Variants in SDHA observed in about 807,000 individuals in gnomAD.
The protein encoded by SDHA is succinate dehydrogenase [ubiquinone] flavoprotein subunit, mitochondrial.
In SDHA, 48 loss-of-function variants were observed where a neutral mutation model predicts 78.4. The observed-to-expected ratio is 0.61, with a 90% CI of 0.49 to 0.78. The LOEUF is 0.78. Ranked by LOEUF, SDHA falls within the 30% of genes least tolerant of loss-of-function variation. SDHA has a pLI of 0.00. For missense variants in SDHA, 680 were observed against 892.7 expected (o/e 0.76, Z 3.04); for synonymous variants, 326 against 353.9 (o/e 0.92, Z 0.88).
At chr5:266,420 A>G in the SDHA span, among the ~76,000 whole-genome samples, 4 of 152,120 alleles carry the variant, frequency 2.6e-5, no homozygotes, top group African/African-American at 9.7e-5. Flanking sequence ...GGAACCCAAA[A>G]CAAACCTTCA....
chr5:241,964 A>G (rs752359834), intron 11 of SDHA, among the ~76,000 whole-genome samples: 2 of 152,252 alleles, frequency 1.3e-5, no homozygotes, highest in African/African-American at 4.8e-5. Context: ...GCCTTCGGAT[A>G]TAGAAATGGC....
At chr5:263,668 A>G in the SDHA span, among the ~76,000 whole-genome samples, 56 of 152,302 alleles carry the variant, frequency 3.7e-4, 1 homozygote, top group East Asian at 9.6e-3. Flanking sequence ...ACTAGGATAA[A>G]ATTTCTCACC....
intron 5 of SDHA, among the ~76,000 whole-genome samples, chr5:227,035 G>A (rs1349103511): frequency 6.6e-6 from 1 of 150,942 alleles, no homozygotes; most frequent in Admixed American, 6.6e-5. Context: ...TTTTGAGACG[G>A]AGTCTCACTC....
chr5:225,529 C>T lies in SDHA; in HGVS notation c.423C>T (p.Tyr141=), dbSNP rs768897373. The part of the protein sequence containing the change: ...DWLGDQDAIH[Y]MTEQAPAAVV... ...TGGGGGACCAGGATGCCATCCACTA[C>T]ATGACGGAGCAGGCCCCCGCCGCCG... Residue 141 remains tyrosine, a synonymous_variant, in exon 4 of 15, where the codon TAC becomes TAT. Transcript: ENST00000264932. The T allele has an allele frequency of 1.1e-5, 18 of 1,613,818 alleles. No homozygotes were observed. Among genetic ancestry groups the T allele is most frequent in the Non-Finnish European group, 1.5e-5 (18 of 1,179,882 alleles).
chr5:219,576 A>C (rs1734597456), intron 1 of SDHA, among the ~76,000 whole-genome samples: 1 of 152,224 alleles, frequency 6.6e-6, no homozygotes, highest in Non-Finnish European at 1.5e-5. Context: ...CCATCCTGCC[A>C]ACATCAGAAA....
the SDHA span, among the ~76,000 whole-genome samples, chr5:265,894 G>A: frequency 6.6e-6 from 1 of 151,800 alleles, no homozygotes; most frequent in Non-Finnish European, 1.5e-5. Context: ...GGATCACCTG[G>A]AGGGACCCTA....
intron 3 of SDHA, among the ~76,000 whole-genome samples, chr5:225,064 A>G (rs140528913): frequency 7.0e-4 from 106 of 152,250 alleles, no homozygotes; most frequent in African/African-American, 2.5e-3. Context: ...TTGTTAATAA[A>G]ATTATCTGGA....
intron 7 of SDHA, 117 bp downstream of exon 7, chr5:231,117 T>A (rs1268187322): frequency 8.1e-7 from 1 of 1,238,476 alleles, no homozygotes; most frequent in Non-Finnish European, 1.2e-6. Flanking sequence ...GAAGATCAGC[T>A]TCCTCAGCTC....
Position 233,571 on chromosome 5 carries a change from C to A in SDHA, c.990C>A (p.Tyr330Ter). ...NSQGERFMER[Y>*]APVAKDLASR... ...AAGGCGAAAGGTTTATGGAGCGATA[C>A]GCCCCTGTCGCGAAGGACCTGGCGT... is the stretch of plus-strand genomic sequence containing the variant. Residue 330 changes from tyrosine to a stop codon, truncating the protein, a stop_gained, in exon 8 of 15, where the codon TAC (tyrosine) becomes TAA (stop). Transcript: ENST00000264932. LOFTEE classifies it high-confidence loss of function. 2 of 1,614,130 alleles carry A rather than the reference C, an allele frequency of 1.2e-6. No homozygotes were observed. The highest frequency in any genetic ancestry group is 1.7e-6 in the Non-Finnish European group (2 of 1,180,026).
intron 7 of SDHA, among the ~76,000 whole-genome samples, chr5:231,620 C>T (rs1433125449): frequency 2.0e-5 from 3 of 151,430 alleles, no homozygotes; most frequent in Non-Finnish European, 4.4e-5. Context: ...GCAACGAGGT[C>T]GTCAGCTCCT....
At chr5:234,490 C>T (rs1005710911) in intron 8 of SDHA, 4 of 154,022 alleles carry the variant, frequency 2.6e-5, no homozygotes, top group Non-Finnish European at 5.7e-5. Context: ...CCTCCGTACC[C>T]ATTGGTTCCA....
chr5:247,482 T>G (rs1736533869), intron 11 of SDHA, among the ~76,000 whole-genome samples: 2 of 152,218 alleles, frequency 1.3e-5, no homozygotes, highest in African/African-American at 4.8e-5. Flanking sequence ...TGTTAATGCC[T>G]CTGGTCTCAA....
chr5:219,672 A>G (rs547184092), intron 1 of SDHA, among the ~76,000 whole-genome samples: 145 of 152,228 alleles, frequency 9.5e-4, no homozygotes, highest in Non-Finnish European at 1.8e-3. Context: ...AAGAGCTGCT[A>G]GGAGGGCGTC....
At position 218,345 on chromosome 5, in the gene SDHA, C is replaced by T. The variant is rs1396057630; in HGVS notation, c.-11C>T. 4 of 1,448,866 alleles carry T rather than the reference C, an allele frequency of 2.8e-6. No individual in the cohort carries two copies. Among genetic ancestry groups the T allele is most frequent in the Non-Finnish European group, 3.6e-6 (4 of 1,109,656 alleles). 89.8% of individuals were successfully genotyped at this position (1,448,866 alleles called of 1,614,324 possible). On this transcript the variant is annotated 5_prime_UTR_variant, in exon 1 of 15. Transcript: ENST00000264932. ...AGGGACTGGCGGGACTGCGCGGCGG[C>T]AACAGCAGACATGTCGGGGGTCCGG...
At chr5:263,889 C>A in the SDHA span, among the ~76,000 whole-genome samples, 1 of 152,208 alleles carries the variant, frequency 6.6e-6, no homozygotes, top group East Asian at 1.9e-4. Flanking sequence ...AATGAAAGGA[C>A]TTTACTCACA....
At chr5:263,143 T>G in the SDHA span, among the ~76,000 whole-genome samples, 3 of 152,238 alleles carry the variant, frequency 2.0e-5, no homozygotes, top group South Asian at 6.2e-4. Context: ...TTTCACCATC[T>G]TGCCCAGGCT....
intron 14 of SDHA, among the ~76,000 whole-genome samples, chr5:255,017 T>C (rs1737091226): frequency 6.7e-6 from 1 of 149,226 alleles, no homozygotes; most frequent in Admixed American, 6.7e-5. Flanking sequence ...AGGGCAGAAA[T>C]GGAGGTGGGG....
rs2126645674 is a variant in SDHA, at chr5:256,322, C to T, written c.1909-12C>T. On this transcript the variant is annotated splice_polypyrimidine_tract_variant and intron_variant, in intron 14 of 14. Coordinates refer to ENST00000264932, the MANE Select transcript of SDHA (RefSeq NM_004168.4). The stretch of plus-strand genomic sequence containing the variant: ...TTTTGTGCTTAACTTACCACTGACT[C>T]TTCTTTTCAAGGTCACTCTGGAATA... 6.3e-7 allele frequency: 1 copy of T among 1,593,622 alleles called. No homozygotes were observed.
At chr5:268,621 T>C in the SDHA span, among the ~76,000 whole-genome samples, 4 of 152,220 alleles carry the variant, frequency 2.6e-5, no homozygotes, top group African/African-American at 7.2e-5. Context: ...TTACCTTCTC[T>C]GAACTCTAGT....
Sources: gnomAD v4.1 joint callset for allele counts (sites outside exome capture counted in the v4.1 genomes callset) on GRCh38, gnomAD v4.1.1 for gene constraint, MANE v1.5 for transcripts, NCBI Gene and HGNC (gene_info 2026-07-23, HGNC 2026-07-21) for gene names.